The following PRKAR1B variants were observed in gnomAD, a reference collection of about 807,000 sequenced individuals.
PRKAR1B encodes protein kinase cAMP-dependent type I regulatory subunit beta.
A neutral mutation model predicts 46.5 loss-of-function variants in PRKAR1B; 22 were observed. The observed-to-expected ratio is 0.47, with a 90% CI of 0.34 to 0.68. PRKAR1B has a LOEUF of 0.68. PRKAR1B is among the 30% of genes least tolerant of loss of function. The pLI is 0.01. For missense variants in PRKAR1B, 445 were observed against 535.6 expected, an observed-to-expected ratio of 0.83 and a Z score of 1.67; for synonymous variants, 259 against 217.7, an observed-to-expected ratio of 1.19 and a Z score of -1.67.
At chr7:720,901 G>A (rs1245845186) in intron 1 of PRKAR1B, among the ~76,000 whole-genome samples, 2 of 152,124 alleles carry the variant, frequency 1.3e-5, no homozygotes, top group African/African-American at 4.8e-5. Flanking sequence ...GTATCCACGT[G>A]GCGAACCTCT....
At chr7:724,920 AG>A (rs2128536686) in intron 1 of PRKAR1B, among the ~76,000 whole-genome samples, 1 of 152,376 alleles carries the variant, frequency 6.6e-6, no homozygotes, top group Non-Finnish European at 1.5e-5. Context: ...ACAACTTTTC[AG>A]AAGTACTGAT....
At chr7:706,356 T>C (rs1780322414) in intron 2 of PRKAR1B, among the ~76,000 whole-genome samples, 1 of 88,432 alleles carries the variant, frequency 1.1e-5, no homozygotes, top group Non-Finnish European at 2.4e-5. Context: ...TCATTTTGGA[T>C]AATCTTCGGA....
chr7:676,569 C>T (rs1285447134), intron 4 of PRKAR1B, among the ~76,000 whole-genome samples: 1 of 152,238 alleles, frequency 6.6e-6, no homozygotes, highest in African/African-American at 2.4e-5. Flanking sequence ...CAGATCCAGA[C>T]CCCCTATTTG....
intron 4 of PRKAR1B, among the ~76,000 whole-genome samples, chr7:669,867 A>ATTTTTTTTTTTTTTTT (rs570284003): frequency 1.1e-4 from 14 of 131,448 alleles, no homozygotes; most frequent in Non-Finnish European, 1.8e-4. Context: ...CACGTGCCAT[A>ATTTTTTTTTTTTTTTT]TTTTTTTTTT....
At chr7:565,950 C>A (rs940276096) in intron 9 of PRKAR1B, among the ~76,000 whole-genome samples, 3 of 152,214 alleles carry the variant, frequency 2.0e-5, no homozygotes, top group African/African-American at 7.2e-5. Context: ...TTTACCTCTG[C>A]AAAAGGCTGG....
chr7:655,964 T>C (rs1346807799), intron 4 of PRKAR1B, among the ~76,000 whole-genome samples: 4 of 152,118 alleles, frequency 2.6e-5, no homozygotes, highest in Non-Finnish European at 4.4e-5. Flanking sequence ...GCGTAAGTGG[T>C]TGGGTTTCTC....
intron 4 of PRKAR1B, among the ~76,000 whole-genome samples, chr7:660,909 T>TC (rs1165915469): frequency 1.3e-4 from 9 of 71,226 alleles, no homozygotes; most frequent in African/African-American, 1.7e-4. Flanking sequence ...ATACCTACTC[T>TC]CCCCCCATGG....
intron 4 of PRKAR1B, among the ~76,000 whole-genome samples, chr7:653,952 T>A (rs1015685709): frequency 2.6e-5 from 4 of 151,084 alleles, no homozygotes; most frequent in Admixed American, 2.6e-4. Flanking sequence ...TCCATCACCA[T>A]CATCACCATC....
At chr7:616,008 A>AAGAGAG (rs112413656) in intron 4 of PRKAR1B, among the ~76,000 whole-genome samples, 83,283 of 149,076 alleles carry the variant, frequency 0.56, 23,825 homozygotes, top group South Asian at 0.79. Context: ...AAAAGGAAGA[A>AAGAGAG]AGAGAGAGAG....
At position 622,687 on chromosome 7, in the gene PRKAR1B, T is replaced by G. The variant is rs527676118; in HGVS notation, c.441-15235A>C. On this transcript the variant is annotated intron_variant, in intron 4 of 10. Coordinates refer to ENST00000537384, the MANE Select transcript of PRKAR1B (RefSeq NM_001164760.2). ...CACAGAGGCACATATGCACCAACAG[T>G]AGGTCTGCAGAGAATGTGCATATGT... is the stretch of plus-strand genomic sequence containing the variant. Among the ~76,000 whole-genome samples, 10 of 152,140 alleles carry G rather than the reference T, an allele frequency of 6.6e-5. No individual in the cohort carries two copies. The South Asian group carries it at 2.1e-3, about 32-fold the overall frequency.
chr7:630,905 C>T (rs1391229760), intron 4 of PRKAR1B, among the ~76,000 whole-genome samples: 1 of 152,178 alleles, frequency 6.6e-6, no homozygotes, highest in Non-Finnish European at 1.5e-5. Context: ...TCAGAAGCTC[C>T]CTGACCATCG....
At chr7:586,502 C>G (rs1780608803) in intron 7 of PRKAR1B, among the ~76,000 whole-genome samples, 1 of 152,244 alleles carries the variant, frequency 6.6e-6, no homozygotes, top group African/African-American at 2.4e-5. Flanking sequence ...CTTCCTGCCA[C>G]CCTCCAGCCC....
chr7:695,025 C>T (rs1269866203), intron 2 of PRKAR1B, among the ~76,000 whole-genome samples: 4 of 142,732 alleles, frequency 2.8e-5, no homozygotes, highest in Admixed American at 1.4e-4. Context: ...AGCAAGACTC[C>T]GTCTCAAAAA....
rs1231190615 is a variant in PRKAR1B, at chr7:685,278, ACGTATATATATG to A, written c.178-4564_178-4553del. ...TATATATACATATATACGTATATATACGTATATATATGTATACATATATATATACGTATATAT... is the reference window on the plus strand; with the variant it reads ...TATATATACATATATACGTATATATATATACATATATATATACGTATATAT... On this transcript the variant is annotated intron_variant, in intron 2 of 10. Transcript: ENST00000537384. 3.3e-3 allele frequency among the ~76,000 whole-genome samples: 88 copies of A among 26,376 alleles called. 3 individuals are homozygous for A. Among genetic ancestry groups the A allele is most frequent in the South Asian group, 6.7e-3 (4 of 600 alleles). 17.3% of individuals were successfully genotyped at this position (26,376 alleles called of 152,430 possible). A position where few individuals can be genotyped will look rare whatever the true frequency, so the allele number is the denominator to read the frequency against.
chr7:704,088 T>A (rs929455303), intron 2 of PRKAR1B, among the ~76,000 whole-genome samples: 9 of 152,152 alleles, frequency 5.9e-5, no homozygotes, highest in African/African-American at 2.2e-4. Flanking sequence ...GAAAAATCTG[T>A]AGCATTATAT....
chr7:632,064 A>G (rs1783780774), intron 4 of PRKAR1B, among the ~76,000 whole-genome samples: 1 of 152,140 alleles, frequency 6.6e-6, no homozygotes, highest in Non-Finnish European at 1.5e-5. Context: ...TGTAGCCCCC[A>G]GGAAGACCGA....
chr7:707,747 C>T (rs938913456), intron 2 of PRKAR1B, among the ~76,000 whole-genome samples: 1 of 152,160 alleles, frequency 6.6e-6, no homozygotes, highest in Non-Finnish European at 1.5e-5. Flanking sequence ...AAGGCAGGAC[C>T]CGCGATGCGT....
intron 3 of PRKAR1B, among the ~76,000 whole-genome samples, chr7:677,839 A>C (rs536071439): frequency 2.9e-4 from 44 of 152,322 alleles, no homozygotes; most frequent in African/African-American, 8.9e-4. Context: ...CAACAGACAC[A>C]AGCCTAGCTG....
At chr7:604,858 A>AGGGCAGGCGGACAAGGAGAAGGGC (rs1781917015) in intron 6 of PRKAR1B, among the ~76,000 whole-genome samples, 1 of 151,834 alleles carries the variant, frequency 6.6e-6, no homozygotes, top group Non-Finnish European at 1.5e-5. Context: ...GACAAGGAGA[A>AGGGCAGGCGGACAAGGAGAAGGGC]GGGCAGGCGG....
Sources: allele counts gnomAD v4.1 joint callset (sites outside exome capture counted in the v4.1 genomes callset), GRCh38; gene constraint gnomAD v4.1.1; transcripts MANE v1.5; gene names NCBI Gene and HGNC (gene_info 2026-07-23, HGNC 2026-07-21).